The following DCC variants were observed in gnomAD, a reference collection of about 807,000 sequenced individuals.
DCC encodes the protein DCC netrin 1 receptor, also known as netrin receptor DCC.
In DCC, 58 loss-of-function variants were observed where a neutral mutation model predicts 172.5. The ratio of observed to expected loss-of-function variants is 0.34; its 90% CI spans 0.27 to 0.42. The LOEUF (loss-of-function observed/expected upper bound fraction) is 0.42, where lower values mean the gene tolerates loss of function less well. Ranked by LOEUF, DCC falls within the 10% of genes least tolerant of loss-of-function variation. The pLI is 1.00. For missense variants in DCC, 1,740 were observed against 1,791.0 expected (o/e 0.97, Z 0.51); for synonymous variants, 709 against 644.5 (o/e 1.10, Z -1.52).
chr18:52,573,861 A>ACTGTT (rs1163227993), intron 1 of DCC, among the ~76,000 whole-genome samples: 3 of 152,152 alleles, frequency 2.0e-5, no homozygotes, highest in African/African-American at 7.2e-5. Context: ...CTAGTCCCAG[A>ACTGTT]CTGTTCCCTC....
At chr18:53,370,510 C>T (rs1001424194) in intron 15 of DCC, among the ~76,000 whole-genome samples, 5 of 151,630 alleles carry the variant, frequency 3.3e-5, no homozygotes, top group Admixed American at 2.0e-4. Context: ...TTAATTTAAG[C>T]ATTTACAGCT....
chr18:52,777,421 C>T (rs1464034634), intron 2 of DCC, among the ~76,000 whole-genome samples: 2 of 152,162 alleles, frequency 1.3e-5, no homozygotes, highest in South Asian at 2.1e-4. Context: ...CTACCTTCTC[C>T]TCCTCTGGGT....
chr18:52,648,897 T>C (rs1432808558), intron 1 of DCC, among the ~76,000 whole-genome samples: 1 of 152,174 alleles, frequency 6.6e-6, no homozygotes, highest in East Asian at 1.9e-4. Flanking sequence ...CTGAAAAGGG[T>C]GGACGTTTCA....
intron 2 of DCC, among the ~76,000 whole-genome samples, chr18:52,869,782 C>T (rs1267053901): frequency 2.6e-5 from 4 of 152,186 alleles, no homozygotes. Context: ...GCTGTGACAG[C>T]CCGGGCTTGG....
chr18:53,514,724 A>G (rs1304776612), intron 27 of DCC, among the ~76,000 whole-genome samples: 1 of 152,228 alleles, frequency 6.6e-6, no homozygotes, highest in Admixed American at 6.5e-5. Context: ...TCCTCAACAC[A>G]TACACTCTCC....
chr18:52,671,829 C>G (rs1025659399), intron 1 of DCC, among the ~76,000 whole-genome samples: 1 of 152,132 alleles, frequency 6.6e-6, no homozygotes, highest in Admixed American at 6.5e-5. Flanking sequence ...AGTCACCACA[C>G]CCGGCCTCAT....
chr18:52,456,286 G>A (rs992575826), intron 1 of DCC, among the ~76,000 whole-genome samples: 27 of 152,034 alleles, frequency 1.8e-4, no homozygotes, highest in African/African-American at 6.5e-4. Context: ...TATAATTGTG[G>A]TTTCAAGTAA....
At chr18:53,060,414 G>C (rs1251984089) in intron 5 of DCC, among the ~76,000 whole-genome samples, 1 of 152,096 alleles carries the variant, frequency 6.6e-6, no homozygotes, top group Non-Finnish European at 1.5e-5. Flanking sequence ...CTTGCCTGCT[G>C]TCTGATATAC....
At chr18:52,517,532 A>C (rs2031680428) in intron 1 of DCC, among the ~76,000 whole-genome samples, 1 of 152,246 alleles carries the variant, frequency 6.6e-6, no homozygotes, top group South Asian at 2.1e-4. Context: ...ATATCTAAAC[A>C]TCCAAGTTGT....
chr18:52,964,099 G>A (rs1482586992), intron 5 of DCC, among the ~76,000 whole-genome samples: 2 of 152,076 alleles, frequency 1.3e-5, no homozygotes, highest in Non-Finnish European at 2.9e-5. Flanking sequence ...ATATTCAGAG[G>A]CTACAGAGCA....
At chr18:53,507,110 T>G (rs185560961) in intron 27 of DCC, among the ~76,000 whole-genome samples, 32 of 152,210 alleles carry the variant, frequency 2.1e-4, no homozygotes, top group African/African-American at 7.5e-4. Context: ...AGACTATGAG[T>G]AAGAGAAAGG....
At chr18:52,819,515 T>C (rs1050136116) in intron 2 of DCC, among the ~76,000 whole-genome samples, 1 of 152,198 alleles carries the variant, frequency 6.6e-6, no homozygotes, top group Non-Finnish European at 1.5e-5. Flanking sequence ...ATTCATGTGG[T>C]CTTACACTTA....
chr18:53,258,548 C>G (rs1336622558), intron 12 of DCC, among the ~76,000 whole-genome samples: 3 of 151,954 alleles, frequency 2.0e-5, no homozygotes, highest in Non-Finnish European at 4.4e-5. Flanking sequence ...ATCCTGAGTT[C>G]TAGTTTGATT....
At chr18:52,538,432 G>A (rs560512803) in intron 1 of DCC, among the ~76,000 whole-genome samples, 9 of 151,998 alleles carry the variant, frequency 5.9e-5, no homozygotes, top group South Asian at 4.2e-4. Context: ...CCACACAAAC[G>A]CTTTCACTAA....
chr18:53,501,445 G>A (rs570755633), intron 27 of DCC, among the ~76,000 whole-genome samples: 18 of 152,068 alleles, frequency 1.2e-4, no homozygotes, highest in Admixed American at 8.5e-4. Context: ...CTAATAAAAC[G>A]ACTAAATCAT....
chr18:53,266,715 G>A (rs540857427), intron 12 of DCC, among the ~76,000 whole-genome samples: 1 of 151,804 alleles, frequency 6.6e-6, no homozygotes, highest in East Asian at 1.9e-4. Flanking sequence ...GTAACCACTA[G>A]TCTGATTTCT....
rs943267592 is a variant in DCC, at chr18:52,763,594, C to T, written c.412+11220C>T. On this transcript the variant is annotated intron_variant, in intron 2 of 28. Transcript: ENST00000442544. ...ACCTCAGTATACACATTGTGAATAT[C>T]TGGGATTTGTTTATTTGTTTTTATT... Among the ~76,000 whole-genome samples the T allele has an allele frequency of 2.0e-5, 3 of 152,160 alleles. No individual in the cohort carries two copies. The East Asian group carries it at 5.8e-4, about 29-fold the overall frequency.
rs1317394524 is a variant in DCC, at chr18:53,533,280, ACT to A, written c.*2628_*2629del. The stretch of plus-strand genomic sequence containing the variant: ...GCAAACTAGCCTCTGACTTCCTCCT[ACT>A]GAGTCTAGTTCATGGTATCCAGGAC... On this transcript the variant is annotated 3_prime_UTR_variant, in exon 29 of 29. Coordinates refer to ENST00000442544, the MANE Select transcript of DCC (RefSeq NM_005215.4). The A allele has an allele frequency of 6.6e-6, 1 of 152,074 alleles. No individual in the cohort carries two copies. Among genetic ancestry groups the A allele is most frequent in the Non-Finnish European group, 1.5e-5 (1 of 68,016 alleles). The allele number at this position is 152,074 out of a possible 1,614,324, so 9.4% of individuals were successfully genotyped here.
chr18:53,215,532 G>T lies in DCC; in HGVS notation c.1862-16G>T, dbSNP rs1417962384. 1 of 1,612,170 alleles carries T rather than the reference G, an allele frequency of 6.2e-7. No individual in the cohort carries two copies. Among genetic ancestry groups the T allele is most frequent in the South Asian group, 1.1e-5 (1 of 91,040 alleles). Reference sequence around the variant, plus strand: ...ATTTTGGCAGTAACTGTGACAATTTGTTTGATTCCTTTTAGTGCCAAGTGC... The same window carrying T: ...ATTTTGGCAGTAACTGTGACAATTTTTTTGATTCCTTTTAGTGCCAAGTGC... On this transcript the variant is annotated splice_polypyrimidine_tract_variant and intron_variant, in intron 11 of 28. Transcript: ENST00000442544.
Sources: gnomAD v4.1 joint callset for allele counts (sites outside exome capture counted in the v4.1 genomes callset) on GRCh38, gnomAD v4.1.1 for gene constraint, MANE v1.5 for transcripts, NCBI Gene and HGNC (gene_info 2026-07-23, HGNC 2026-07-21) for gene names.